The following RIMS2 variants were observed in gnomAD, a reference collection of about 807,000 sequenced individuals.
The protein encoded by RIMS2 is regulating synaptic membrane exocytosis protein 2.
A neutral mutation model predicts 174.4 loss-of-function variants in RIMS2; 59 were observed. That is an observed-to-expected ratio of 0.34 (90% CI 0.27 to 0.42). The LOEUF (loss-of-function observed/expected upper bound fraction) is 0.42. Ranked by LOEUF, RIMS2 falls within the 10% of genes least tolerant of loss-of-function variation. The pLI is 1.00. For missense variants in RIMS2, 1,620 were observed against 1,666.3 expected, an observed-to-expected ratio of 0.97 and a Z score of 0.48; for synonymous variants, 606 against 572.5, an observed-to-expected ratio of 1.06 and a Z score of -0.84.
At chr8:103,920,053 A>G (rs1330376518) in intron 9 of RIMS2, among the ~76,000 whole-genome samples, 1 of 152,186 alleles carries the variant, frequency 6.6e-6, no homozygotes, top group Non-Finnish European at 1.5e-5. Context: ...CTGCATGAGC[A>G]GCATGGAAAC....
At chr8:104,201,110 T>C (rs567209540) in intron 19 of RIMS2, among the ~76,000 whole-genome samples, 9 of 152,176 alleles carry the variant, frequency 5.9e-5, no homozygotes, top group Non-Finnish European at 1.3e-4. Context: ...TAGGTAGTTT[T>C]TTAAACCCTC....
intron 1 of RIMS2, among the ~76,000 whole-genome samples, chr8:103,543,979 A>C (rs1007599071): frequency 6.6e-6 from 1 of 152,266 alleles, no homozygotes; most frequent in African/African-American, 2.4e-5. Flanking sequence ...AAATGGAATT[A>C]CATGAAACTA....
chr8:104,201,857 G>A (rs2099056500), intron 19 of RIMS2, among the ~76,000 whole-genome samples: 1 of 152,160 alleles, frequency 6.6e-6, no homozygotes, highest in Admixed American at 6.5e-5. Context: ...ACAATCCACA[G>A]TAATAGTATT....
chr8:104,237,822 T>C (rs1038530962), intron 19 of RIMS2, among the ~76,000 whole-genome samples: 1 of 152,196 alleles, frequency 6.6e-6, no homozygotes, highest in African/African-American at 2.4e-5. Flanking sequence ...TTTTAGAGAT[T>C]TGAATTATAT....
chr8:103,752,728 T>C (rs1262073057), intron 2 of RIMS2, among the ~76,000 whole-genome samples: 2 of 152,112 alleles, frequency 1.3e-5, no homozygotes, highest in African/African-American at 4.8e-5. Flanking sequence ...GATTTGGCTC[T>C]CTGTTTGTCT....
chr8:104,120,277 CAT>C (rs1314132148), intron 19 of RIMS2, among the ~76,000 whole-genome samples: 1 of 152,102 alleles, frequency 6.6e-6, no homozygotes, highest in Admixed American at 6.5e-5. Flanking sequence ...TAATTTGTAA[CAT>C]AGAAAAGTGA....
At chr8:103,790,579 C>T (rs538305279) in intron 3 of RIMS2, among the ~76,000 whole-genome samples, 2 of 152,108 alleles carry the variant, frequency 1.3e-5, no homozygotes, top group South Asian at 2.1e-4. Context: ...TTTGTGTGGA[C>T]ATATGTTTTT....
intron 10 of RIMS2, among the ~76,000 whole-genome samples, chr8:103,924,618 A>C (rs2078376165): frequency 6.6e-6 from 1 of 151,590 alleles, no homozygotes; most frequent in African/African-American, 2.4e-5. Context: ...TACTTCACTT[A>C]CAAAATTATG....
intron 19 of RIMS2, among the ~76,000 whole-genome samples, chr8:104,244,087 C>T (rs2099317778): frequency 6.6e-6 from 1 of 152,170 alleles, no homozygotes; most frequent in Non-Finnish European, 1.5e-5. Context: ...CCCACAGCCT[C>T]TATGACATAC....
chr8:103,567,534 G>A (rs75228832), intron 1 of RIMS2, among the ~76,000 whole-genome samples: 1,769 of 152,288 alleles, frequency 0.012, 33 homozygotes, highest in African/African-American at 0.039. Flanking sequence ...ATAATAATCT[G>A]TTGTATGAAT....
chr8:103,711,995 C>G (rs1310633832), intron 2 of RIMS2, among the ~76,000 whole-genome samples: 1 of 151,146 alleles, frequency 6.6e-6, no homozygotes, highest in African/African-American at 2.4e-5. Context: ...TTTTAGTTTT[C>G]AATTTTTTTT....
chr8:104,251,078 A>C, exon 23 of RIMS2: 1 of 1,613,728 alleles, frequency 6.2e-7, no homozygotes, highest in Non-Finnish European at 8.5e-7. Context: ...GCCAAAAAGA[A>C]AACAAAAGTG....
intron 1 of RIMS2, among the ~76,000 whole-genome samples, chr8:103,674,791 G>A (rs1463133136): frequency 1.3e-5 from 2 of 151,806 alleles, no homozygotes; most frequent in African/African-American, 4.8e-5. Flanking sequence ...ATGATTTTAT[G>A]ATTTTTAGAA....
intron 3 of RIMS2, among the ~76,000 whole-genome samples, chr8:103,782,749 C>A (rs1356988494): frequency 3.9e-5 from 6 of 152,060 alleles, no homozygotes; most frequent in Non-Finnish European, 8.8e-5. Flanking sequence ...GTGAGTCAAA[C>A]TGAGCATTTC....
chr8:103,709,138 T>C (rs1444295014), intron 2 of RIMS2, among the ~76,000 whole-genome samples: 1 of 152,186 alleles, frequency 6.6e-6, no homozygotes, highest in Non-Finnish European at 1.5e-5. Context: ...TAAAATTCAG[T>C]ATATTTTTTA....
chr8:104,003,678 C>T (rs2095472785), intron 17 of RIMS2, among the ~76,000 whole-genome samples: 2 of 152,202 alleles, frequency 1.3e-5, no homozygotes, highest in Admixed American at 6.5e-5. Context: ...CCTCCCAAAG[C>T]ACTGGGATTA....
intron 19 of RIMS2, among the ~76,000 whole-genome samples, chr8:104,237,626 T>C (rs1433251552): frequency 6.6e-6 from 1 of 152,180 alleles, no homozygotes; most frequent in Non-Finnish European, 1.5e-5. Flanking sequence ...CTACTAGATA[T>C]GTAACTTTTA....
At chr8:104,112,718 T>C (rs2131836536) in intron 19 of RIMS2, among the ~76,000 whole-genome samples, 1 of 152,280 alleles carries the variant, frequency 6.6e-6, no homozygotes, top group Non-Finnish European at 1.5e-5. Context: ...TACTGAAATT[T>C]TAGGTTCATG....
intron 1 of RIMS2, among the ~76,000 whole-genome samples, chr8:103,690,984 A>G (rs2097016642): frequency 6.6e-6 from 1 of 152,216 alleles, no homozygotes; most frequent in African/African-American, 2.4e-5. Context: ...ATTCTAGGAT[A>G]AAAGTTGTTT....
Sources: gnomAD v4.1 joint callset for allele counts (sites outside exome capture counted in the v4.1 genomes callset) on GRCh38, gnomAD v4.1.1 for gene constraint, MANE v1.5 for transcripts, NCBI Gene and HGNC (gene_info 2026-07-23, HGNC 2026-07-21) for gene names.